PHF2: variants seen among roughly 807,000 people sequenced by gnomAD.
PHF2 encodes the protein lysine-specific demethylase PHF2.
A neutral mutation model predicts 120.5 loss-of-function variants in PHF2; 27 were observed. That is an observed-to-expected ratio of 0.22 (90% CI 0.17 to 0.31). The LOEUF (loss-of-function observed/expected upper bound fraction) is 0.31. Among genes scored for constraint, PHF2 ranks in the 10% least tolerant of loss-of-function variants. The pLI is 1.00. For missense variants in PHF2, 1,024 were observed against 1,434.8 expected, an observed-to-expected ratio of 0.71 and a Z score of 4.63; for synonymous variants, 568 against 592.5, an observed-to-expected ratio of 0.96 and a Z score of 0.60.
At chr9:93,597,355 A>G (rs1319810316) in intron 1 of PHF2, among the ~76,000 whole-genome samples, 1 of 152,162 alleles carries the variant, frequency 6.6e-6, no homozygotes, top group East Asian at 1.9e-4. Flanking sequence ...CACACCCTTT[A>G]GCTCTGAGAA....
At chr9:93,591,999 C>T (rs1212992866) in intron 1 of PHF2, among the ~76,000 whole-genome samples, 1 of 152,254 alleles carries the variant, frequency 6.6e-6, no homozygotes, top group African/African-American at 2.4e-5. Context: ...TCAGCGCCCA[C>T]TCTGCTTCCT....
At chr9:93,642,835 A>AT (rs1826192204) in intron 3 of PHF2, among the ~76,000 whole-genome samples, 1 of 152,026 alleles carries the variant, frequency 6.6e-6, no homozygotes. Flanking sequence ...CAAATTTACT[A>AT]TTTTTTCAGC....
chr9:93,662,375 G>A (rs1230317362), intron 12 of PHF2, among the ~76,000 whole-genome samples: 1 of 147,316 alleles, frequency 6.8e-6, no homozygotes, highest in African/African-American at 2.5e-5. Context: ...GAGTGGATGG[G>A]GAGATGGATA....
At chr9:93,668,396 G>A (rs1245408269) in intron 17 of PHF2, among the ~76,000 whole-genome samples, 1 of 152,160 alleles carries the variant, frequency 6.6e-6, no homozygotes, top group Non-Finnish European at 1.5e-5. Flanking sequence ...CTGTCTTCTG[G>A]GAAGAAGTAT....
intron 17 of PHF2, 128 bp downstream of exon 17, chr9:93,667,368 C>A: frequency 3.5e-6 from 4 of 1,127,306 alleles, no homozygotes; most frequent in Non-Finnish European, 5.0e-6. Context: ...CGCCCCTGGG[C>A]CTGGGCAGAA....
At chr9:93,648,275 C>T (rs1004115050) in intron 4 of PHF2, among the ~76,000 whole-genome samples, 2 of 152,142 alleles carry the variant, frequency 1.3e-5, no homozygotes, top group African/African-American at 4.8e-5. Context: ...TCTCTCTGTC[C>T]CGGGTGTTTC....
chr9:93,667,052 G>T lies in PHF2; in HGVS notation c.2188-28G>T. ...CACTTTGGTGGCCAGACCCTCCCCT[G>T]ACCGAAGCCCTGTCCCTCGCGCAGC... On this transcript the variant is annotated intron_variant, in intron 16 of 21. Transcript: ENST00000359246. The T allele has an allele frequency of 1.9e-6, 3 of 1,592,320 alleles. No homozygotes were observed. The South Asian group carries it at 3.4e-5, about 18-fold the overall frequency.
At chr9:93,657,923 A>G (rs1826488953) in intron 9 of PHF2, among the ~76,000 whole-genome samples, 1 of 151,926 alleles carries the variant, frequency 6.6e-6, no homozygotes, top group Non-Finnish European at 1.5e-5. Flanking sequence ...CAGTGGGAGG[A>G]TGGTGGGAGG....
intron 1 of PHF2, among the ~76,000 whole-genome samples, chr9:93,578,877 G>T (rs2131593028): frequency 6.6e-6 from 1 of 152,318 alleles, no homozygotes; most frequent in Non-Finnish European, 1.5e-5. Flanking sequence ...ACAGGCAGTT[G>T]ATCAGCACAG....
Position 93,676,912 on chromosome 9 carries a change from A to T in PHF2, c.3151A>T (p.Thr1051Ser). ...SQPMAPGVFLTQRRPSASSPN... is the reference protein window; with the variant it reads ...SQPMAPGVFLSQRRPSASSPN... ...GCCCATGGCCCCTGGGGTCTTTCTC[A>T]CACAGAGGCGGCCCTCCGCATCGTC... The change falls in exon 21 of 22, where the codon ACA (threonine) becomes TCA (serine). Residue 1051 changes from threonine (T) to serine (S), a missense_variant. This residue lies in a region of PHF2 where 677 missense variants were observed against 857.4 expected (regional missense o/e 0.79). Coordinates refer to ENST00000359246, the MANE Select transcript of PHF2 (RefSeq NM_005392.4). 6.3e-7 allele frequency: 1 copy of T among 1,579,222 alleles called. No individual in the cohort carries two copies. Among genetic ancestry groups the T allele is most frequent in the South Asian group, 1.2e-5 (1 of 86,898 alleles).
chr9:93,585,538 G>A (rs1164459138), intron 1 of PHF2, among the ~76,000 whole-genome samples: 2 of 152,366 alleles, frequency 1.3e-5, no homozygotes, highest in Non-Finnish European at 2.9e-5. Context: ...CATGTGTAAA[G>A]CCCTTGTTCA....
chr9:93,678,671 AT>A lies in PHF2; in HGVS notation c.*999del, dbSNP rs1394257653. 6.5e-6 allele frequency: 1 copy of A among 152,710 alleles called. No individual in the cohort carries two copies. Among genetic ancestry groups the A allele is most frequent in the Admixed American group, 6.5e-5 (1 of 15,284 alleles). 9.5% of individuals were successfully genotyped at this position (152,710 alleles called of 1,614,324 possible). ...GTTTCTCAGGCAATCCTGTATTTTA[AT>A]TTTAGATGTATTTCCTGAAGCATAT... On this transcript the variant is annotated 3_prime_UTR_variant, in exon 22 of 22. Transcript: ENST00000359246.
chr9:93,577,198 C>A (rs990475661), intron 1 of PHF2, among the ~76,000 whole-genome samples: 17 of 150,730 alleles, frequency 1.1e-4, no homozygotes, highest in Admixed American at 3.3e-4. Flanking sequence ...CGCCTGTCAG[C>A]TGGGTCGCGG....
At chr9:93,640,671 C>G (rs1056606988) in intron 3 of PHF2, among the ~76,000 whole-genome samples, 2 of 152,098 alleles carry the variant, frequency 1.3e-5, no homozygotes, top group South Asian at 2.1e-4. Context: ...AATTTCCTGT[C>G]TGATAATTCG....
At chr9:93,636,370 C>T (rs1424605707) in intron 2 of PHF2, 41 bp from the exon 3 acceptor site, 8 of 1,494,316 alleles carry the variant, frequency 5.4e-6, no homozygotes, top group Non-Finnish European at 7.3e-6. Context: ...CCTGCTGGGG[C>T]TGCGCTGTGT....
intron 1 of PHF2, among the ~76,000 whole-genome samples, chr9:93,579,253 C>T (rs979868820): frequency 3.3e-5 from 5 of 152,206 alleles, no homozygotes; most frequent in Non-Finnish European, 7.3e-5. Context: ...TTCGTACCGC[C>T]TGTACTGTGA....
At chr9:93,676,555 G>T (rs1365018772) in intron 20 of PHF2, 39 bp from the exon 21 acceptor site, 2 of 1,555,968 alleles carry the variant, frequency 1.3e-6, no homozygotes, top group East Asian at 4.5e-5. Context: ...GCCCAAGTGG[G>T]CTGTGCGTCT....
chr9:93,593,992 T>A (rs961218811), intron 1 of PHF2, among the ~76,000 whole-genome samples: 2 of 152,236 alleles, frequency 1.3e-5, no homozygotes, highest in Non-Finnish European at 2.9e-5. Context: ...CCATCAGGGT[T>A]TAGAGGTCAT....
intron 1 of PHF2, among the ~76,000 whole-genome samples, chr9:93,600,014 T>C (rs899843527): frequency 6.6e-5 from 10 of 152,204 alleles, no homozygotes; most frequent in Admixed American, 4.6e-4. Flanking sequence ...CCCAGCTCCA[T>C]GCAGCCTGCG....
Sources: allele counts gnomAD v4.1 joint callset (sites outside exome capture counted in the v4.1 genomes callset), GRCh38; gene constraint gnomAD v4.1.1; regional missense constraint gnomAD v4.1.1; transcripts MANE v1.5; gene names NCBI Gene and HGNC (gene_info 2026-07-23, HGNC 2026-07-21).